Variants in KIF2C observed in about 807,000 individuals in gnomAD.
KIF2C encodes kinesin family member 2C, also known as kinesin-like protein KIF2C.
In KIF2C, 34 loss-of-function variants were observed where a neutral mutation model predicts 97.4. The ratio of observed to expected loss-of-function variants is 0.35; its 90% confidence interval spans 0.27 to 0.46. The LOEUF (loss-of-function observed/expected upper bound fraction) is 0.46. Among genes scored for constraint, KIF2C ranks in the 20% least tolerant of loss-of-function variants. The probability of loss-of-function intolerance (pLI) is 1.00; values close to 1 mark genes in which losing one functional copy is unlikely to be tolerated. For synonymous variants in KIF2C, 313 were observed against 318.2 expected (o/e 0.98, Z 0.17); for missense variants, 750 against 907.6 (o/e 0.83, Z 2.23).
At chr1:44,762,080 T>G in intron 17 of KIF2C, 97 bp downstream of exon 17, 1 of 1,091,466 alleles carries the variant, frequency 9.2e-7, no homozygotes, top group East Asian at 2.4e-5. Flanking sequence ...CAGGGCCTAC[T>G]GTATACTCCT....
rs6666987 is a variant in KIF2C at position 44,748,263 on chromosome 1, G to T, written c.316+563G>T. Among the ~76,000 whole-genome samples the T allele has an allele frequency of 2.2e-4, 33 of 152,044 alleles. 1 individual carries two copies. The South Asian group carries it at 3.5e-3, about 16-fold the overall frequency. On this transcript the variant is annotated intron_variant, in intron 4 of 20. Transcript: ENST00000372224. ...TCCCAAAAGATCCAGCTTAAAGCCAGTTGTACCTTGAAGGCTGGTGACCTG... is the reference window on the plus strand; with the variant it reads ...TCCCAAAAGATCCAGCTTAAAGCCATTTGTACCTTGAAGGCTGGTGACCTG...
At position 44,761,963 on chromosome 1, in the gene KIF2C, C is replaced by T. The variant is rs1317588321; in HGVS notation, c.1731C>T (p.Asn577=). The change falls in exon 17 of 21, where the codon AAC becomes AAT. Residue 577 remains asparagine, a synonymous_variant. Coordinates refer to ENST00000372224, the MANE Select transcript of KIF2C (RefSeq NM_006845.4). ...TAAGCTCCTGTGAATATACTTTAAACACCCTGAGATATGCAGACAGGTACT... is the reference window on the plus strand; with the variant it reads ...TAAGCTCCTGTGAATATACTTTAAATACCCTGAGATATGCAGACAGGTACT... ...PGISSCEYTL[N]TLRYADRVKE... 5 of 1,613,986 alleles carry T rather than the reference C, an allele frequency of 3.1e-6. No individual in the cohort carries two copies. The highest frequency in any genetic ancestry group is 1.6e-4 in the Middle Eastern group (1 of 6,084).
chr1:44,766,973 A>T, intron 20 of KIF2C, 24 bp downstream of exon 20: 1 of 1,613,928 alleles, frequency 6.2e-7, no homozygotes, highest in Non-Finnish European at 8.5e-7. Flanking sequence ...GATGGGGTGC[A>T]GGTGGACGAT....
chr1:44,764,540 G>A (rs1650346691), intron 19 of KIF2C, among the ~76,000 whole-genome samples: 2 of 148,984 alleles, frequency 1.3e-5, no homozygotes, highest in Non-Finnish European at 3.0e-5. Context: ...ATGGAGTTTC[G>A]CTTTTGTCCC....
intron 5 of KIF2C, among the ~76,000 whole-genome samples, chr1:44,752,233 G>T (rs1195590588): frequency 6.6e-6 from 1 of 150,394 alleles, no homozygotes; most frequent in Non-Finnish European, 1.5e-5. Flanking sequence ...CTGCCTCCCG[G>T]GTTCATGCCA....
chr1:44,747,583 A>G (rs192067201), intron 3 of KIF2C, 69 bp from the exon 4 acceptor site: 6 of 1,579,142 alleles, frequency 3.8e-6, no homozygotes, highest in African/African-American at 1.4e-5. Context: ...AGCATAGTAC[A>G]TGGGCCCAGG....
chr1:44,762,045 G>A, intron 17 of KIF2C, 62 bp downstream of exon 17: 1 of 1,442,928 alleles, frequency 6.9e-7, no homozygotes, highest in Non-Finnish European at 9.8e-7. Flanking sequence ...GGGCAGTGAT[G>A]AGAGGGGAGG....
chr1:44,742,062 G>T (rs1482211504), intron 2 of KIF2C, among the ~76,000 whole-genome samples: 3 of 150,514 alleles, frequency 2.0e-5, no homozygotes, highest in Non-Finnish European at 4.4e-5. Flanking sequence ...ATTTAGTCAG[G>T]TCCATTCTAA....
Position 44,739,837 on chromosome 1 carries a change from A to T in KIF2C, c.-96A>T. On this transcript the variant is annotated 5_prime_UTR_variant, in exon 1 of 21. Coordinates refer to ENST00000372224, the MANE Select transcript of KIF2C (RefSeq NM_006845.4). ...TTAAGGACGCTTGCGCGCGGGATTT[A>T]AACTGCGGCGGTTTACGCGGCGTTA... 8.5e-7 allele frequency: 1 copy of T among 1,170,040 alleles called. No homozygotes were observed. Among genetic ancestry groups the T allele is most frequent in the Non-Finnish European group, 1.3e-6 (1 of 779,704 alleles). 72.5% of individuals were successfully genotyped at this position (1,170,040 alleles called of 1,614,324 possible).
chr1:44,745,954 G>A (rs930508128), intron 2 of KIF2C, among the ~76,000 whole-genome samples: 1 of 151,948 alleles, frequency 6.6e-6, no homozygotes, highest in Non-Finnish European at 1.5e-5. Context: ...TCGGCTCACT[G>A]CAAGCTCCGC....
Position 44,750,581 on chromosome 1 carries a change from C to A in KIF2C, c.439+17C>A. 6.6e-7 allele frequency: 1 copy of A among 1,507,616 alleles called. No individual in the cohort carries two copies. Among genetic ancestry groups the A allele is most frequent in the Non-Finnish European group, 8.9e-7 (1 of 1,118,776 alleles). 93.4% of individuals were successfully genotyped at this position (1,507,616 alleles called of 1,614,324 possible). ...CAGTTCCTCGTGAGTAACGAATGTGCCCCCAACCACCATGTTTGAGGCCCT... is the reference window on the plus strand; with the variant it reads ...CAGTTCCTCGTGAGTAACGAATGTGACCCCAACCACCATGTTTGAGGCCCT... On this transcript the variant is annotated intron_variant, in intron 5 of 20. Transcript: ENST00000372224.
In KIF2C at chr1:44,767,451, G is replaced by T; in HGVS notation, c.*272G>T. On this transcript the variant is annotated 3_prime_UTR_variant, in exon 21 of 21. Transcript: ENST00000372224. ...TGCCCTTCTTTCCATCAAGGGGAAT[G>T]TTCTCAGCATAGAGCTTTCTCCGCA... The T allele has an allele frequency of 2.6e-6, 1 of 382,130 alleles. No homozygotes were observed. The highest frequency in any genetic ancestry group is 5.0e-6 in the Non-Finnish European group (1 of 199,722). 23.7% of individuals were successfully genotyped at this position (382,130 alleles called of 1,614,324 possible). A position where few individuals can be genotyped will look rare whatever the true frequency, so the allele number is the denominator to read the frequency against.
rs372703723 is a variant in KIF2C at position 44,741,939 on chromosome 1, A to T, written c.165+932A>T. On this transcript the variant is annotated intron_variant, in intron 2 of 20. Transcript: ENST00000372224. ...GTCTGGGAAAGCACAGGTTTCAGTG[A>T]GCTGAAATTGCACCACTGCTCTCCA... Among the ~76,000 whole-genome samples, 243 of 140,136 alleles carry T rather than the reference A, an allele frequency of 1.7e-3. 1 individual carries two copies. Among genetic ancestry groups the T allele is most frequent in the African/African-American group, 5.9e-3 (224 of 37,656 alleles). The allele number at this position is 140,136 out of a possible 152,430, so 91.9% of individuals were successfully genotyped here.
At chr1:44,743,483 C>T (rs1649034450) in intron 2 of KIF2C, among the ~76,000 whole-genome samples, 1 of 152,158 alleles carries the variant, frequency 6.6e-6, no homozygotes, top group South Asian at 2.1e-4. Flanking sequence ...CTTGGACTCT[C>T]TTCCATGGAG....
chr1:44,754,430 T>A (rs1021072614), intron 7 of KIF2C, among the ~76,000 whole-genome samples: 2 of 152,118 alleles, frequency 1.3e-5, no homozygotes, highest in Admixed American at 6.6e-5. Context: ...CTCCCCCAAG[T>A]TGTACGTATT....
chr1:44,754,605 A>T, intron 7 of KIF2C, 145 bp from the exon 8 acceptor site: 1 of 724,710 alleles, frequency 1.4e-6, no homozygotes, highest in Non-Finnish European at 2.5e-6. Context: ...AGTGCTTTGT[A>T]CCTGGCTTCT....
chr1:44,766,742 A>G, intron 19 of KIF2C, 84 bp from the exon 20 acceptor site: 1 of 1,445,030 alleles, frequency 6.9e-7, no homozygotes, highest in Non-Finnish European at 9.5e-7. Context: ...CATCTTACTC[A>G]GGTGTCTGCA....
At chr1:44,764,188 T>C (rs1187004285) in intron 19 of KIF2C, among the ~76,000 whole-genome samples, 2 of 152,140 alleles carry the variant, frequency 1.3e-5, no homozygotes, top group East Asian at 3.9e-4. Context: ...TATATATATA[T>C]GTTTTTGAGA....
Position 44,739,983 on chromosome 1 carries a change from C to G in KIF2C, c.51C>G (p.Ile17Met). 6.2e-7 allele frequency: 1 copy of G among 1,614,240 alleles called. No individual in the cohort carries two copies. Reference protein sequence around the residue: ...LQARLFPGLAIKIQRSNGLIH... With the variant: ...LQARLFPGLAMKIQRSNGLIH... Reference sequence around the variant, plus strand: ...CCCGCCTGTTTCCCGGTCTCGCTATCAAGATCCAACGCAGTAATGGTGAGG... The same window carrying G: ...CCCGCCTGTTTCCCGGTCTCGCTATGAAGATCCAACGCAGTAATGGTGAGG... Residue 17 changes from isoleucine to methionine, a missense_variant, in exon 1 of 21, where the codon ATC becomes ATG. By Grantham distance (10) the Ile-to-Met change is conservative. Coordinates refer to ENST00000372224, the MANE Select transcript of KIF2C (RefSeq NM_006845.4).
Sources: allele counts gnomAD v4.1 joint callset (sites outside exome capture counted in the v4.1 genomes callset), GRCh38; gene constraint gnomAD v4.1.1; transcripts MANE v1.5; gene names NCBI Gene and HGNC (gene_info 2026-07-23, HGNC 2026-07-21).